Variants in SYT14 observed in about 807,000 individuals in gnomAD.
The protein encoded by SYT14 is synaptotagmin-14.
Under a neutral mutation model 74.2 loss-of-function variants are expected in SYT14, and 32 were observed. That is an observed-to-expected ratio of 0.43 (90% CI 0.33 to 0.58). SYT14 has a LOEUF of 0.58. Among genes scored for constraint, SYT14 ranks in the 20% least tolerant of loss-of-function variants. The pLI is 0.05. For synonymous variants in SYT14, 298 were observed against 337.7 expected (o/e 0.88, Z 1.29); for missense variants, 791 against 981.8 (o/e 0.81, Z 2.60).
chr1:210,044,361 G>A (rs1483144880), intron 5 of SYT14, among the ~76,000 whole-genome samples: 1 of 152,040 alleles, frequency 6.6e-6, no homozygotes, highest in East Asian at 1.9e-4. Context: ...TTTACTACCC[G>A]GAACTCATAA....
intron 5 of SYT14, among the ~76,000 whole-genome samples, chr1:210,043,533 T>C (rs2080832574): frequency 6.6e-6 from 1 of 152,210 alleles, no homozygotes; most frequent in Non-Finnish European, 1.5e-5. Context: ...TAGTTGTCTC[T>C]ACTACCGTGG....
At chr1:210,011,208 T>A (rs2080080507) in intron 2 of SYT14, among the ~76,000 whole-genome samples, 1 of 152,204 alleles carries the variant, frequency 6.6e-6, no homozygotes, top group South Asian at 2.1e-4. Context: ...TTTTGCCTCT[T>A]CATACCAGAT....
intron 5 of SYT14, among the ~76,000 whole-genome samples, chr1:210,066,354 G>A (rs2081296284): frequency 6.6e-6 from 1 of 152,074 alleles, no homozygotes; most frequent in Non-Finnish European, 1.5e-5. Flanking sequence ...CAGTGTAAAA[G>A]TGTTCCTATT....
intron 5 of SYT14, among the ~76,000 whole-genome samples, chr1:210,046,138 A>C (rs1337905401): frequency 6.6e-6 from 1 of 152,192 alleles, no homozygotes; most frequent in Non-Finnish European, 1.5e-5. Context: ...TGGGAGGGTG[A>C]GGCAGCAGGA....
intron 2 of SYT14, among the ~76,000 whole-genome samples, chr1:209,997,727 G>A (rs775547898): frequency 4.1e-4 from 63 of 152,014 alleles, no homozygotes; most frequent in Non-Finnish European, 8.4e-4. Flanking sequence ...ACTACCTATT[G>A]GGTACTGTGC....
At chr1:210,003,981 G>C (rs1353189185) in intron 2 of SYT14, among the ~76,000 whole-genome samples, 3 of 151,436 alleles carry the variant, frequency 2.0e-5, no homozygotes, top group Non-Finnish European at 4.4e-5. Context: ...TCTTTACTAG[G>C]TGTTCTCAAT....
chr1:210,075,572 A>T (rs893922159), intron 5 of SYT14, among the ~76,000 whole-genome samples: 1 of 148,986 alleles, frequency 6.7e-6, no homozygotes, highest in Non-Finnish European at 1.5e-5. Context: ...TGACCTCGTG[A>T]TCCGCCTGCC....
chr1:210,148,969 TATACAC>T (rs2083101517), intron 7 of SYT14, among the ~76,000 whole-genome samples: 1 of 152,026 alleles, frequency 6.6e-6, no homozygotes, highest in Admixed American at 6.6e-5. Context: ...CAGCAAAAAA[TATACAC>T]ATATGCCTAT....
intron 7 of SYT14, among the ~76,000 whole-genome samples, chr1:210,104,169 A>C (rs769152431): frequency 4.6e-5 from 7 of 152,248 alleles, no homozygotes; most frequent in African/African-American, 7.2e-5. Context: ...CTGCTGATGC[A>C]GAAATGGTAT....
At chr1:209,993,522 C>A (rs1248215732) in intron 2 of SYT14, among the ~76,000 whole-genome samples, 1 of 152,162 alleles carries the variant, frequency 6.6e-6, no homozygotes, top group Admixed American at 6.5e-5. Context: ...CTGTATGTAC[C>A]CTTAGAACAC....
intron 5 of SYT14, among the ~76,000 whole-genome samples, chr1:210,084,738 A>G (rs2081687369): frequency 6.6e-6 from 1 of 152,262 alleles, no homozygotes; most frequent in South Asian, 2.1e-4. Context: ...GGTTAAAGCT[A>G]CATATCAGAT....
intron 7 of SYT14, among the ~76,000 whole-genome samples, chr1:210,106,536 G>C (rs145344218): frequency 1.1e-3 from 161 of 152,278 alleles, no homozygotes; most frequent in African/African-American, 3.8e-3. Flanking sequence ...AGAAGGGGAA[G>C]CAAACATGTC....
chr1:210,108,328 G>A (rs2082196482), intron 7 of SYT14, among the ~76,000 whole-genome samples: 1 of 152,166 alleles, frequency 6.6e-6, no homozygotes, highest in South Asian at 2.1e-4. Context: ...GTTCATGAAG[G>A]AAGGAATAAT....
intron 2 of SYT14, among the ~76,000 whole-genome samples, chr1:209,988,589 T>C (rs1173246415): frequency 1.3e-5 from 2 of 152,362 alleles, no homozygotes; most frequent in East Asian, 1.9e-4. Flanking sequence ...CCTGAGACTT[T>C]CCTTTCAGTC....
intron 1 of SYT14, among the ~76,000 whole-genome samples, chr1:209,939,014 T>C (rs932351725): frequency 2.6e-5 from 4 of 152,220 alleles, no homozygotes; most frequent in Non-Finnish European, 5.9e-5. Flanking sequence ...AATGCTCATA[T>C]TTCGAAAAAC....
intron 2 of SYT14, among the ~76,000 whole-genome samples, chr1:209,989,375 A>T (rs2079625746): frequency 6.6e-6 from 1 of 152,218 alleles, no homozygotes; most frequent in Admixed American, 6.5e-5. Context: ...TTGATTATTT[A>T]GAAGAATTGG....
At chr1:210,100,690 A>G (rs1214780294) in intron 7 of SYT14, among the ~76,000 whole-genome samples, 1 of 152,172 alleles carries the variant, frequency 6.6e-6, no homozygotes, top group Non-Finnish European at 1.5e-5. Context: ...TTTATCCTTC[A>G]CAGAGTTTTG....
At chr1:210,100,834 T>TTGC (rs2082051654) in intron 7 of SYT14, among the ~76,000 whole-genome samples, 1 of 152,150 alleles carries the variant, frequency 6.6e-6, no homozygotes, top group Non-Finnish European at 1.5e-5. Flanking sequence ...TTAAGAAGTA[T>TTGC]CAGCCCCATA....
intron 2 of SYT14, among the ~76,000 whole-genome samples, chr1:209,990,655 G>T (rs976160680): frequency 1.4e-5 from 2 of 140,908 alleles, no homozygotes; most frequent in South Asian, 2.3e-4. Context: ...CAAAAATTTA[G>T]CAGTATGCCA....
Sources: gnomAD v4.1 joint callset for allele counts (sites outside exome capture counted in the v4.1 genomes callset) on GRCh38, gnomAD v4.1.1 for gene constraint, MANE v1.5 for transcripts, NCBI Gene and HGNC (gene_info 2026-07-23, HGNC 2026-07-21) for gene names.